ZYG11B: variants seen among roughly 807,000 people sequenced by gnomAD.
ZYG11B encodes protein zyg-11 homolog B.
In ZYG11B, 36 loss-of-function variants were observed where a neutral mutation model predicts 82.4. That is an observed-to-expected ratio of 0.44 (90% confidence interval 0.33 to 0.58). The LOEUF is 0.58. Among genes scored for constraint, ZYG11B ranks in the 20% least tolerant of loss-of-function variants. The pLI is 0.02. For synonymous variants in ZYG11B, 303 were observed against 312.8 expected (o/e 0.97, Z 0.33); for missense variants, 552 against 895.6 (o/e 0.62, Z 4.90).
At position 52,796,324 on chromosome 1, in the gene ZYG11B, T is replaced by G; in HGVS notation, c.1367T>G (p.Leu456Arg). 1 of 1,613,948 alleles carries G rather than the reference T, an allele frequency of 6.2e-7. No individual in the cohort carries two copies. Among genetic ancestry groups the G allele is most frequent in the Non-Finnish European group, 8.5e-7 (1 of 1,179,896 alleles). The change falls in exon 7 of 14, where the codon CTT (leucine) becomes CGT (arginine). Residue 456 changes from leucine to arginine, a missense_variant. Physicochemically the swap from Leu to Arg is moderately radical, Grantham distance 102. Transcript: ENST00000294353. ...GCAGCCAAGCTTGTCATGCAGTGGC[T>G]TTGCAACCATGAGGATCAAAACATG... ...FEAAKLVMQW[L>R]CNHEDQNMQR...
rs1325206434 is a variant in ZYG11B at position 52,826,098 on chromosome 1, G to A, written c.*4469G>A. Reference sequence around the variant, plus strand: ...TTACATTATTTCGTTATTATACAATGTAGTGGTATAAACAGTATTATTAAA... The same window carrying A: ...TTACATTATTTCGTTATTATACAATATAGTGGTATAAACAGTATTATTAAA... On this transcript the variant is annotated 3_prime_UTR_variant, in exon 14 of 14. Transcript: ENST00000294353. 1 of 152,152 alleles carries A rather than the reference G, an allele frequency of 6.6e-6. No homozygotes were observed. Among genetic ancestry groups the A allele is most frequent in the Non-Finnish European group, 1.5e-5 (1 of 68,034 alleles). 9.4% of individuals were successfully genotyped at this position (152,152 alleles called of 1,614,324 possible).
intron 10 of ZYG11B, among the ~76,000 whole-genome samples, chr1:52,812,711 G>GGTTTGTTT (rs59906595): frequency 0.032 from 4,727 of 149,780 alleles, 138 homozygotes; most frequent in East Asian, 0.16. Context: ...GGCTGTTTTG[G>GGTTTGTTT]GTTTGTTTGT....
chr1:52,767,161 TTA>T (rs1232338495), intron 2 of ZYG11B, among the ~76,000 whole-genome samples: 4 of 130,042 alleles, frequency 3.1e-5, no homozygotes, highest in Non-Finnish European at 6.8e-5. Flanking sequence ...TTATTTTATT[TTA>T]TGTTATGTTA....
intron 1 of ZYG11B, among the ~76,000 whole-genome samples, chr1:52,753,951 G>A (rs895886239): frequency 2.6e-5 from 4 of 151,912 alleles, no homozygotes; most frequent in African/African-American, 7.3e-5. Flanking sequence ...GGCTGGTCTC[G>A]AACTCCTGAC....
At chr1:52,772,051 A>G in intron 3 of ZYG11B, 1 of 690,010 alleles carries the variant, frequency 1.4e-6, no homozygotes, top group Non-Finnish European at 2.5e-6. Context: ...CAAGTCACGT[A>G]GTAGGTCCTG....
intron 13 of ZYG11B, among the ~76,000 whole-genome samples, chr1:52,817,807 ATATATATATTTTTTTTTTTTTTTTTTTTT>A (rs1645246035): frequency 1.8e-4 from 7 of 39,550 alleles, no homozygotes; most frequent in East Asian, 5.9e-4. Context: ...ATATATATAT[ATATATATATTTTTTTTTTTTTTTTTTTTT>A]TTTTTTTTTT....
At chr1:52,810,260 A>G (rs1645171893) in intron 10 of ZYG11B, among the ~76,000 whole-genome samples, 1 of 152,166 alleles carries the variant, frequency 6.6e-6, no homozygotes, top group African/African-American at 2.4e-5. Context: ...GAGAACATGC[A>G]CTATTCCTGG....
chr1:52,816,763 TA>T, intron 13 of ZYG11B, 134 bp downstream of exon 13: 1 of 657,924 alleles, frequency 1.5e-6, no homozygotes, highest in Non-Finnish European at 2.7e-6. Flanking sequence ...CATCTTAGGT[TA>T]TAAACTTAAG....
At chr1:52,776,252 A>T (rs1224369308) in intron 3 of ZYG11B, among the ~76,000 whole-genome samples, 15 of 101,100 alleles carry the variant, frequency 1.5e-4, no homozygotes, top group Non-Finnish European at 2.9e-4. Context: ...ATATGCAATA[A>T]AGTTGGCTTA....
intron 2 of ZYG11B, among the ~76,000 whole-genome samples, chr1:52,770,086 ATATATAT>A (rs202158527): frequency 1.5e-4 from 11 of 72,780 alleles, no homozygotes; most frequent in East Asian, 9.0e-4. Flanking sequence ...ATATATATAT[ATATATAT>A]TTTTTTTTTT....
At chr1:52,767,391 G>A (rs1164736707) in intron 2 of ZYG11B, among the ~76,000 whole-genome samples, 1 of 152,046 alleles carries the variant, frequency 6.6e-6, no homozygotes, top group South Asian at 2.1e-4. Flanking sequence ...TGCAACCTCC[G>A]TCGCCTGGGA....
At chr1:52,780,677 G>T (rs189400780) in intron 4 of ZYG11B, among the ~76,000 whole-genome samples, 1 of 152,110 alleles carries the variant, frequency 6.6e-6, no homozygotes, top group South Asian at 2.1e-4. Flanking sequence ...GAGTGCAGTG[G>T]CTGTTCACAG....
intron 2 of ZYG11B, 77 bp downstream of exon 2, chr1:52,756,700 T>TA: frequency 7.0e-7 from 1 of 1,419,090 alleles, no homozygotes; most frequent in Non-Finnish European, 9.5e-7. Flanking sequence ...AGTAGCCATT[T>TA]AATTATTTTC....
intron 1 of ZYG11B, among the ~76,000 whole-genome samples, chr1:52,727,330 CTT>C (rs1290521418): frequency 6.6e-6 from 1 of 152,088 alleles, no homozygotes; most frequent in East Asian, 1.9e-4. Flanking sequence ...TTGCTTCTTC[CTT>C]TTCGTTTTTG....
At chr1:52,770,048 G>A (rs1251999199) in intron 2 of ZYG11B, among the ~76,000 whole-genome samples, 1 of 148,944 alleles carries the variant, frequency 6.7e-6, no homozygotes, top group Non-Finnish European at 1.5e-5. Context: ...GCAGGAGGGG[G>A]AGTGTGGGGG....
chr1:52,797,046 TTTATATATTATATATATTTATATA>T lies in ZYG11B; in HGVS notation c.1485+272_1485+295del, dbSNP rs1487856131. ...ATATATAAATTTATATATATAAATT[TTTATATATTATATATATTTATATA>T]TTATATATTGTATATATTTATATAT... is the stretch of plus-strand genomic sequence containing the variant. On this transcript the variant is annotated intron_variant, in intron 8 of 13. Transcript: ENST00000294353. Among the ~76,000 whole-genome samples, 4 of 90,774 alleles carry T rather than the reference TTTATATATTATATATATTTATATA, an allele frequency of 4.4e-5. No homozygotes were observed. In the South Asian group the frequency reaches 1.2e-3, roughly 26 times the overall value. The allele number at this position is 90,774 out of a possible 152,430, so 59.6% of individuals were successfully genotyped here. A position where few individuals can be genotyped will look rare whatever the true frequency, so the allele number is the denominator to read the frequency against.
At position 52,740,594 on chromosome 1, in the gene ZYG11B, G is replaced by C. The variant is rs189775971; in HGVS notation, c.30+13911G>C. Among the ~76,000 whole-genome samples, 781 of 143,306 alleles carry C rather than the reference G, an allele frequency of 5.4e-3. 3 individuals are homozygous for C. The highest frequency in any genetic ancestry group is 7.2e-3 in the Non-Finnish European group (478 of 66,824). 94.0% of individuals were successfully genotyped at this position (143,306 alleles called of 152,430 possible). A position where few individuals can be genotyped will look rare whatever the true frequency, so the allele number is the denominator to read the frequency against. On this transcript the variant is annotated intron_variant, in intron 1 of 13. Transcript: ENST00000294353. Reference sequence around the variant, plus strand: ...TTTTTTTTTTTTTTTTTGAGACAGGGTCTCTGTCACCCAGGCTGGGTGCAA... The same window carrying C: ...TTTTTTTTTTTTTTTTTGAGACAGGCTCTCTGTCACCCAGGCTGGGTGCAA...
Position 52,771,876 on chromosome 1 carries a change from G to A in ZYG11B, c.951+102G>A. 1 of 1,364,142 alleles carries A rather than the reference G, an allele frequency of 7.3e-7. No individual in the cohort carries two copies. The highest frequency in any genetic ancestry group is 1.0e-6 in the Non-Finnish European group (1 of 1,001,626). 84.5% of individuals were successfully genotyped at this position (1,364,142 alleles called of 1,614,324 possible). On this transcript the variant is annotated intron_variant, in intron 3 of 13. Transcript: ENST00000294353. The surrounding 1 kb of genome is among the most constrained non-coding windows in gnomAD (Gnocchi z 5.4). ...TCTGTAATATATGGAACATGTTCATGAAACAGGGCTGCATATAGTTGAAAG... is the reference window on the plus strand; with the variant it reads ...TCTGTAATATATGGAACATGTTCATAAAACAGGGCTGCATATAGTTGAAAG...
chr1:52,753,401 T>C (rs72893470), intron 1 of ZYG11B, among the ~76,000 whole-genome samples: 2,988 of 150,736 alleles, frequency 0.02, 104 homozygotes, highest in African/African-American at 0.068. Context: ...GTTCTTCTTC[T>C]TCTGGTTGTT....
Sources: allele counts gnomAD v4.1 joint callset (sites outside exome capture counted in the v4.1 genomes callset), GRCh38; gene constraint gnomAD v4.1.1; non-coding constraint Gnocchi (gnomAD v3.1); transcripts MANE v1.5; gene names NCBI Gene and HGNC (gene_info 2026-07-23, HGNC 2026-07-21).